The following SPAG16 variants were observed in gnomAD, a reference collection of about 807,000 sequenced individuals.
SPAG16 encodes the protein sperm associated antigen 16.
Under a neutral mutation model 80.4 loss-of-function variants are expected in SPAG16, and 86 were observed. The observed-to-expected ratio is 1.07, with a 90% CI of 0.90 to 1.28. The LOEUF (loss-of-function observed/expected upper bound fraction) is 1.28. Among genes scored for constraint, SPAG16 ranks in the 50% most tolerant of loss-of-function variants. The pLI, the probability that SPAG16 is intolerant of heterozygous loss-of-function variation, is 0.00. For synonymous variants in SPAG16, 294 were observed against 265.9 expected, an observed-to-expected ratio of 1.11 and a Z score of -1.03; for missense variants, 870 against 765.3, an observed-to-expected ratio of 1.14 and a Z score of -1.61.
chr2:213,714,026 G>A (rs2066124507), intron 10 of SPAG16, among the ~76,000 whole-genome samples: 1 of 152,176 alleles, frequency 6.6e-6, no homozygotes, highest in Non-Finnish European at 1.5e-5. Context: ...CACAGGAAGA[G>A]CTTTGCTTCC....
intron 15 of SPAG16, 125 bp downstream of exon 15, chr2:214,149,391 TATTAC>T (rs1217099296): frequency 2.5e-5 from 21 of 827,650 alleles, no homozygotes; most frequent in African/African-American, 3.6e-5. Flanking sequence ...TATTACATTA[TATTAC>T]ATTACATTAA....
intron 11 of SPAG16, among the ~76,000 whole-genome samples, chr2:213,878,322 T>A (rs1251440465): frequency 6.6e-6 from 1 of 152,136 alleles, no homozygotes; most frequent in Non-Finnish European, 1.5e-5. Context: ...TTCTTTTCCT[T>A]CTTATCATTG....
At chr2:213,833,521 A>AAT (rs35418877) in intron 10 of SPAG16, among the ~76,000 whole-genome samples, 2 of 1,870 alleles carry the variant, frequency 1.1e-3, no homozygotes, top group Non-Finnish European at 1.2e-3. Context: ...TAATATATAT[A>AAT]ATATATATAT....
chr2:214,196,560 A>G (rs2057845264), intron 15 of SPAG16, among the ~76,000 whole-genome samples: 1 of 152,098 alleles, frequency 6.6e-6, no homozygotes, highest in Non-Finnish European at 1.5e-5. Context: ...TCCAACTGAA[A>G]TATACACTAC....
rs182983595 is a variant in SPAG16 at position 213,719,113 on chromosome 2, G to T, written c.1071-143372G>T. On this transcript the variant is annotated intron_variant, in intron 10 of 15. Coordinates refer to ENST00000331683, the MANE Select transcript of SPAG16 (RefSeq NM_024532.5). The stretch of plus-strand genomic sequence containing the variant: ...GTGGAGAACCTTTATGTCTAGCTCA[G>T]GGATTGTAAATACACCAATCGGCAC... Among the ~76,000 whole-genome samples, 1,126 of 150,388 alleles carry T rather than the reference G, an allele frequency of 7.5e-3. 10 individuals are homozygous for T. The highest frequency in any genetic ancestry group is 0.037 in the South Asian group (175 of 4,704).
intron 15 of SPAG16, among the ~76,000 whole-genome samples, chr2:214,340,074 A>C (rs1026331334): frequency 9.2e-5 from 14 of 152,224 alleles, no homozygotes; most frequent in Non-Finnish European, 1.8e-4. Flanking sequence ...AGTAATAGAA[A>C]ACCAATGCAT....
At chr2:214,046,241 A>G (rs1383138103) in intron 13 of SPAG16, among the ~76,000 whole-genome samples, 1 of 152,192 alleles carries the variant, frequency 6.6e-6, no homozygotes, top group African/African-American at 2.4e-5. Context: ...CCAGGACTCA[A>G]TGCCTTCACT....
At chr2:214,073,429 GT>G (rs1559760222) in intron 13 of SPAG16, among the ~76,000 whole-genome samples, 1 of 151,750 alleles carries the variant, frequency 6.6e-6, no homozygotes, top group Admixed American at 6.6e-5. Context: ...TAGAGACGGG[GT>G]TTCACCATGT....
At chr2:214,155,460 T>C (rs974354016) in intron 15 of SPAG16, among the ~76,000 whole-genome samples, 23 of 152,276 alleles carry the variant, frequency 1.5e-4, no homozygotes, top group African/African-American at 5.3e-4. Context: ...ACAGCAAGGT[T>C]GAGCATTTGC....
intron 15 of SPAG16, among the ~76,000 whole-genome samples, chr2:214,383,316 C>A (rs1281307069): frequency 6.6e-6 from 1 of 152,100 alleles, no homozygotes; most frequent in Non-Finnish European, 1.5e-5. Flanking sequence ...CTCACCTCTG[C>A]AATCCTAGCA....
chr2:214,205,092 G>A (rs2058104796), intron 15 of SPAG16, among the ~76,000 whole-genome samples: 1 of 152,102 alleles, frequency 6.6e-6, no homozygotes, highest in Non-Finnish European at 1.5e-5. Context: ...AGCTGAGCAT[G>A]TTGGCAGGCA....
chr2:213,744,075 C>T (rs1365827), intron 10 of SPAG16, among the ~76,000 whole-genome samples: 140,746 of 152,190 alleles, frequency 0.92, 66,115 homozygotes, highest in East Asian at 1. Flanking sequence ...GTATTCATTC[C>T]TTCAGAGGAT....
intron 15 of SPAG16, among the ~76,000 whole-genome samples, chr2:214,190,874 T>G (rs1209319707): frequency 6.6e-6 from 1 of 152,192 alleles, no homozygotes; most frequent in Admixed American, 6.6e-5. Flanking sequence ...TAAACTGTTG[T>G]TGTTTATCAG....
intron 10 of SPAG16, among the ~76,000 whole-genome samples, chr2:213,519,061 G>A (rs935016773): frequency 1.3e-5 from 2 of 152,106 alleles, no homozygotes; most frequent in African/African-American, 4.8e-5. Context: ...CAGACACTGT[G>A]GACTACCGGT....
intron 11 of SPAG16, among the ~76,000 whole-genome samples, chr2:213,876,812 T>G (rs1194031196): frequency 1.3e-5 from 2 of 152,164 alleles, no homozygotes; most frequent in East Asian, 1.9e-4. Context: ...CTCTCCATAA[T>G]TTCAGTATTA....
At chr2:213,482,521 A>G (rs946463850) in intron 9 of SPAG16, among the ~76,000 whole-genome samples, 8 of 152,188 alleles carry the variant, frequency 5.3e-5, no homozygotes, top group African/African-American at 1.9e-4. Context: ...ATCAAATGGT[A>G]TAATGATTCT....
chr2:213,549,201 T>C (rs978223009), intron 10 of SPAG16, among the ~76,000 whole-genome samples: 4 of 151,800 alleles, frequency 2.6e-5, no homozygotes, highest in Non-Finnish European at 5.9e-5. Context: ...AGACCTATAA[T>C]ATAACATTCA....
At chr2:213,285,459 A>T (rs903069394) in intron 1 of SPAG16, among the ~76,000 whole-genome samples, 29 of 150,982 alleles carry the variant, frequency 1.9e-4, no homozygotes, top group African/African-American at 6.9e-4. Context: ...GGGAGGTAAG[A>T]AAGAGATGAT....
chr2:213,594,341 T>C (rs1025488738), intron 10 of SPAG16, among the ~76,000 whole-genome samples: 71 of 152,244 alleles, frequency 4.7e-4, no homozygotes, highest in African/African-American at 1.7e-3. Flanking sequence ...ACCTACAGAT[T>C]TAGTTTCAAA....
Sources: allele counts gnomAD v4.1 joint callset (sites outside exome capture counted in the v4.1 genomes callset), GRCh38; gene constraint gnomAD v4.1.1; transcripts MANE v1.5; gene names NCBI Gene and HGNC (gene_info 2026-07-23, HGNC 2026-07-21).